Variants in RBFOX1 observed in about 807,000 individuals in gnomAD.
RBFOX1 encodes the protein RNA binding protein fox-1 homolog 1.
Under a neutral mutation model 57.7 loss-of-function variants are expected in RBFOX1, and 8 were observed. The observed-to-expected ratio is 0.14, with a 90% CI of 0.08 to 0.25. The LOEUF (loss-of-function observed/expected upper bound fraction) is 0.25, where lower values mean the gene tolerates loss of function less well. Ranked by LOEUF, RBFOX1 falls within the 10% of genes least tolerant of loss-of-function variation. The probability of loss-of-function intolerance (pLI) is 1.00; values close to 1 mark genes in which losing one functional copy is unlikely to be tolerated. For missense variants in RBFOX1, 611 were observed against 548.5 expected (o/e 1.11, Z -1.14); for synonymous variants, 326 against 222.4 (o/e 1.47, Z -4.15).
intron 3 of RBFOX1, among the ~76,000 whole-genome samples, chr16:5,750,570 G>A (rs997319759): frequency 2.0e-5 from 3 of 152,208 alleles, no homozygotes; most frequent in Admixed American, 1.3e-4. Context: ...GCAATGGCAG[G>A]CGCCCCTCCC....
intron 1 of RBFOX1, among the ~76,000 whole-genome samples, chr16:6,303,116 G>C (rs2079017169): frequency 6.6e-6 from 1 of 152,168 alleles, no homozygotes. Flanking sequence ...ACTTTCTTGA[G>C]ATGATGAGAC....
At chr16:5,490,405 G>A (rs921534905) in intron 2 of RBFOX1, among the ~76,000 whole-genome samples, 1 of 152,228 alleles carries the variant, frequency 6.6e-6, no homozygotes, top group African/African-American at 2.4e-5. Context: ...CTTGAACCCA[G>A]GTTCCTCCTA....
chr16:7,503,137 A>G (rs1397874094), intron 4 of RBFOX1, among the ~76,000 whole-genome samples: 1 of 152,198 alleles, frequency 6.6e-6, no homozygotes, highest in Admixed American at 6.5e-5. Context: ...ACATTCTGTC[A>G]TCTGTAACCT....
chr16:6,594,208 T>C (rs888720881), intron 2 of RBFOX1, among the ~76,000 whole-genome samples: 8 of 152,126 alleles, frequency 5.3e-5, no homozygotes, highest in Non-Finnish European at 8.8e-5. Flanking sequence ...AGGAAGGTGC[T>C]TCCAGCAAAT....
chr16:5,450,220 T>C (rs1473148435), intron 1 of RBFOX1, among the ~76,000 whole-genome samples: 4 of 152,216 alleles, frequency 2.6e-5, no homozygotes, highest in African/African-American at 9.6e-5. Context: ...CCTTCAATTC[T>C]GTCTCCCTCC....
intron 2 of RBFOX1, among the ~76,000 whole-genome samples, chr16:6,543,473 G>T (rs2096852754): frequency 6.6e-6 from 1 of 152,134 alleles, no homozygotes. Context: ...CTGACATGTG[G>T]CTCAGTTTGG....
chr16:5,487,104 C>G (rs150439494), intron 2 of RBFOX1, among the ~76,000 whole-genome samples: 6 of 151,846 alleles, frequency 4.0e-5, no homozygotes, highest in African/African-American at 1.4e-4. Context: ...TTTCCTCAGG[C>G]AAGCCCTCCG....
At chr16:7,385,007 A>T (rs116946583) in intron 4 of RBFOX1, among the ~76,000 whole-genome samples, 4,726 of 152,312 alleles carry the variant, frequency 0.031, 90 homozygotes, top group Non-Finnish European at 0.043. Context: ...AAATCATGCC[A>T]AGGCAGAGAG....
chr16:7,132,101 C>G (rs369859673), intron 4 of RBFOX1, among the ~76,000 whole-genome samples: 1 of 150,802 alleles, frequency 6.6e-6, no homozygotes, highest in Admixed American at 6.6e-5. Flanking sequence ...AAGCAATTCT[C>G]CTGACTCAGG....
chr16:5,994,947 G>A (rs2060466491), intron 4 of RBFOX1, among the ~76,000 whole-genome samples: 1 of 152,158 alleles, frequency 6.6e-6, no homozygotes, highest in African/African-American at 2.4e-5. Context: ...GACATCCATC[G>A]ATGCAGGAAC....
At chr16:5,832,262 G>C (rs964066959) in intron 3 of RBFOX1, among the ~76,000 whole-genome samples, 2 of 152,230 alleles carry the variant, frequency 1.3e-5, no homozygotes, top group African/African-American at 4.8e-5. Flanking sequence ...ACAGGAGTAA[G>C]GCTGTGGAAG....
intron 4 of RBFOX1, among the ~76,000 whole-genome samples, chr16:7,464,224 G>T (rs941701819): frequency 2.0e-5 from 3 of 152,156 alleles, no homozygotes; most frequent in Admixed American, 2.0e-4. Context: ...GTGTGCACCT[G>T]TGCACCTATG....
At chr16:5,644,531 C>G (rs1325922007) in intron 3 of RBFOX1, among the ~76,000 whole-genome samples, 1 of 152,212 alleles carries the variant, frequency 6.6e-6, no homozygotes, top group Non-Finnish European at 1.5e-5. Flanking sequence ...CTCCCTCTGA[C>G]ATGAGGAGTT....
At chr16:5,569,588 A>G (rs2046209086) in intron 2 of RBFOX1, among the ~76,000 whole-genome samples, 1 of 151,800 alleles carries the variant, frequency 6.6e-6, no homozygotes, top group South Asian at 2.1e-4. Flanking sequence ...CATTTCACAG[A>G]TGAGGAAGCT....
intron 4 of RBFOX1, among the ~76,000 whole-genome samples, chr16:7,283,364 C>T (rs2095585951): frequency 6.6e-6 from 1 of 152,036 alleles, no homozygotes; most frequent in Admixed American, 6.5e-5. Context: ...GAGAAGATCT[C>T]ATTGAACCAG....
intron 3 of RBFOX1, among the ~76,000 whole-genome samples, chr16:6,797,706 C>T (rs1011580931): frequency 2.6e-5 from 4 of 152,138 alleles, no homozygotes; most frequent in African/African-American, 9.7e-5. Context: ...CAACTATAGG[C>T]ATTAAAGTTC....
chr16:5,373,929 C>G (rs552087876), intron 1 of RBFOX1, among the ~76,000 whole-genome samples: 1 of 150,930 alleles, frequency 6.6e-6, no homozygotes, highest in Non-Finnish European at 1.5e-5. Flanking sequence ...ATATGTTACC[C>G]AGTTTGAGAT....
At chr16:6,431,949 CTTTCTTTCT>C (rs2094111305) in intron 2 of RBFOX1, among the ~76,000 whole-genome samples, 1 of 139,718 alleles carries the variant, frequency 7.2e-6, no homozygotes, top group Non-Finnish European at 1.6e-5. Flanking sequence ...TTCTTTCTTT[CTTTCTTTCT>C]TTCTTTTTCT....
intron 4 of RBFOX1, among the ~76,000 whole-genome samples, chr16:7,338,563 A>C (rs997672087): frequency 1.3e-5 from 2 of 152,108 alleles, no homozygotes; most frequent in Non-Finnish European, 2.9e-5. Flanking sequence ...TTTTTTAAAA[A>C]AAATTCTTTT....
Sources: allele counts gnomAD v4.1 joint callset (sites outside exome capture counted in the v4.1 genomes callset), GRCh38; gene constraint gnomAD v4.1.1; transcripts MANE v1.5; gene names NCBI Gene and HGNC (gene_info 2026-07-23, HGNC 2026-07-21).